Variants in RASA2 observed in about 807,000 individuals in gnomAD.
RASA2 encodes the protein RAS p21 protein activator 2.
Under a neutral mutation model 118.2 loss-of-function variants are expected in RASA2, and 155 were observed. The ratio of observed to expected loss-of-function variants is 1.31; its 90% CI spans 1.15 to 1.50. The LOEUF (loss-of-function observed/expected upper bound fraction) is 1.50, where lower values mean the gene tolerates loss of function less well. RASA2 is among the 40% of genes most tolerant of loss of function. The pLI is 0.00. For synonymous variants in RASA2, 353 were observed against 349.1 expected (o/e 1.01, Z -0.12); for missense variants, 1,016 against 1,009.6 (o/e 1.01, Z -0.09).
At chr3:141,574,314 C>T (rs576248047) in intron 14 of RASA2, among the ~76,000 whole-genome samples, 1 of 151,882 alleles carries the variant, frequency 6.6e-6, no homozygotes, top group Non-Finnish European at 1.5e-5. Flanking sequence ...CTCAGCCTCC[C>T]GAGTAGCTGG....
chr3:141,492,832 G>A lies in RASA2; in HGVS notation c.133+5616G>A, dbSNP rs115669502. 9.5e-3 allele frequency among the ~76,000 whole-genome samples: 1,446 copies of A among 152,298 alleles called. 21 individuals carry two copies. Among genetic ancestry groups the A allele is most frequent in the African/African-American group, 0.033 (1,375 of 41,558 alleles). ...TTTTCTGTGACTGTTAATTAATTCA[G>A]CAGCACGTAATACATATCGAAGGGT... On this transcript the variant is annotated intron_variant, in intron 1 of 23. Coordinates refer to ENST00000286364, the MANE Select transcript of RASA2 (RefSeq NM_006506.5).
At chr3:141,527,183 A>G (rs2082197067) in intron 3 of RASA2, among the ~76,000 whole-genome samples, 1 of 152,112 alleles carries the variant, frequency 6.6e-6, no homozygotes, top group African/African-American at 2.4e-5. Context: ...TTTGTAGGCA[A>G]CCCTCTTTTA....
At chr3:141,575,641 G>T (rs932003689) in intron 14 of RASA2, among the ~76,000 whole-genome samples, 2 of 152,152 alleles carry the variant, frequency 1.3e-5, no homozygotes, top group Non-Finnish European at 2.9e-5. Flanking sequence ...GGCAAGCAGG[G>T]CCTCAAACCT....
chr3:141,599,438 C>A (rs2083429465), intron 19 of RASA2, among the ~76,000 whole-genome samples: 1 of 152,050 alleles, frequency 6.6e-6, no homozygotes, highest in Non-Finnish European at 1.5e-5. Flanking sequence ...TAGAAAAGTA[C>A]AAAAGTTTTA....
intron 19 of RASA2, among the ~76,000 whole-genome samples, chr3:141,587,582 C>T (rs1193806474): frequency 2.0e-5 from 3 of 151,958 alleles, no homozygotes; most frequent in Admixed American, 6.6e-5. Flanking sequence ...GGCATGGTGG[C>T]GCATGCCTGT....
At chr3:141,599,669 G>C (rs1347131307) in intron 19 of RASA2, among the ~76,000 whole-genome samples, 1 of 152,038 alleles carries the variant, frequency 6.6e-6, no homozygotes, top group Non-Finnish European at 1.5e-5. Context: ...GAGTGAATAA[G>C]GAAACTCCCT....
intron 7 of RASA2, among the ~76,000 whole-genome samples, chr3:141,556,319 G>A (rs548588896): frequency 6.6e-6 from 1 of 152,300 alleles, no homozygotes; most frequent in South Asian, 2.1e-4. Context: ...TTGACTGAAA[G>A]AGTCACTAAA....
chr3:141,496,758 G>A (rs576714592), intron 1 of RASA2, among the ~76,000 whole-genome samples: 184 of 152,276 alleles, frequency 1.2e-3, no homozygotes, highest in African/African-American at 4.2e-3. Context: ...TCAGTGTGGC[G>A]ATTCCTCAGG....
rs771864691 is a variant in RASA2 at position 141,571,500 on chromosome 3, A to T, written c.1115A>T (p.Asp372Val). 1 of 1,613,154 alleles carries T rather than the reference A, an allele frequency of 6.2e-7. No homozygotes were observed. Among genetic ancestry groups the T allele is most frequent in the South Asian group, 1.1e-5 (1 of 90,962 alleles). The change falls in exon 11 of 24, where the codon GAT (aspartate) becomes GTT (valine). Residue 372 changes from aspartate to valine, a missense_variant. Around this residue, in one of 2 missense-constraint regions of RASA2, gnomAD observed 896 missense variants for 836.4 expected, o/e 1.07. Coordinates refer to ENST00000286364, the MANE Select transcript of RASA2 (RefSeq NM_006506.5). ...LPLVRLLLHH[D>V]KLVPFATAVA... ...CTTGTACGACTGCTGCTGCACCATGATAAACTTGTTCCTTTTGCCACTGCT... is the reference window on the plus strand; with the variant it reads ...CTTGTACGACTGCTGCTGCACCATGTTAAACTTGTTCCTTTTGCCACTGCT...
At chr3:141,550,307 A>T (rs1344967165) in intron 5 of RASA2, among the ~76,000 whole-genome samples, 2 of 152,234 alleles carry the variant, frequency 1.3e-5, no homozygotes, top group Non-Finnish European at 2.9e-5. Flanking sequence ...ACCTCAACCT[A>T]ATCATGAGTA....
At chr3:141,553,200 G>T (rs547382444) in intron 5 of RASA2, among the ~76,000 whole-genome samples, 1 of 152,280 alleles carries the variant, frequency 6.6e-6, no homozygotes, top group East Asian at 1.9e-4. Context: ...TTCCTTGTTT[G>T]TCATTCATGC....
intron 2 of RASA2, among the ~76,000 whole-genome samples, chr3:141,513,191 G>A (rs1321064802): frequency 1.4e-5 from 2 of 143,666 alleles, no homozygotes; most frequent in Admixed American, 1.4e-4. Flanking sequence ...TGTATTTTAG[G>A]GATCTGTTTT....
intron 1 of RASA2, among the ~76,000 whole-genome samples, chr3:141,506,933 GAAAA>G (rs1453266830): frequency 6.9e-6 from 1 of 144,020 alleles, no homozygotes; most frequent in Non-Finnish European, 1.5e-5. Flanking sequence ...AAAAAAAAAA[GAAAA>G]AGAAAAAAGA....
intron 19 of RASA2, among the ~76,000 whole-genome samples, chr3:141,593,209 G>A (rs539147337): frequency 8.1e-4 from 123 of 152,038 alleles, no homozygotes; most frequent in African/African-American, 2.7e-3. Context: ...CGCCATGCCC[G>A]GCTAATTTTG....
At chr3:141,514,561 G>T (rs2151082739) in intron 2 of RASA2, among the ~76,000 whole-genome samples, 1 of 152,314 alleles carries the variant, frequency 6.6e-6, no homozygotes, top group Non-Finnish European at 1.5e-5. Flanking sequence ...TCAGTACCAA[G>T]ATGTGGAACA....
chr3:141,585,881 T>C, intron 17 of RASA2, 144 bp from the exon 18 acceptor site: 2 of 480,602 alleles, frequency 4.2e-6, no homozygotes, highest in Non-Finnish European at 3.6e-6. Context: ...TAATTAAATA[T>C]GTGTTTTGTT....
At chr3:141,504,668 CT>C (rs1440912747) in intron 1 of RASA2, among the ~76,000 whole-genome samples, 1 of 152,156 alleles carries the variant, frequency 6.6e-6, no homozygotes, top group Non-Finnish European at 1.5e-5. Flanking sequence ...TACCTTTCCC[CT>C]CTGCACTGAT....
Position 141,558,851 on chromosome 3 carries a change from T to TA in RASA2, c.685-27dup, listed in dbSNP as rs200939765. The TA allele has an allele frequency of 3.1e-4, 453 of 1,472,170 alleles. 6 individuals are homozygous for TA. The East Asian group carries it at 9.8e-3, about 32-fold the overall frequency. 91.2% of individuals were successfully genotyped at this position (1,472,170 alleles called of 1,614,324 possible). A position where few individuals can be genotyped will look rare whatever the true frequency, so the allele number is the denominator to read the frequency against. On this transcript the variant is annotated intron_variant, in intron 7 of 23. Transcript: ENST00000286364. ...AAGCTGTAGGAAAAATGTATTTTTTTAAAAAAAATTTTTACTAAAATATTT... is the reference window on the plus strand; with the variant it reads ...AAGCTGTAGGAAAAATGTATTTTTTTAAAAAAAAATTTTTACTAAAATATTT...
chr3:141,599,191 A>G (rs1054711518), intron 19 of RASA2, among the ~76,000 whole-genome samples: 1 of 151,960 alleles, frequency 6.6e-6, no homozygotes, highest in African/African-American at 2.4e-5. Flanking sequence ...CTAAATAAAA[A>G]GAGACATGTC....
Sources: gnomAD v4.1 joint callset for allele counts (sites outside exome capture counted in the v4.1 genomes callset) on GRCh38, gnomAD v4.1.1 for gene constraint, gnomAD v4.1.1 regional missense constraint, MANE v1.5 for transcripts, NCBI Gene and HGNC (gene_info 2026-07-23, HGNC 2026-07-21) for gene names.